Variants in PATJ observed in about 807,000 individuals in gnomAD.
PATJ encodes PATJ crumbs cell polarity complex component, also known as inaD-like protein.
PATJ carries 190 observed loss-of-function variants against 224.9 expected under a neutral mutation model. The ratio of observed to expected loss-of-function variants is 0.84; its 90% CI spans 0.75 to 0.95. PATJ has a LOEUF of 0.95. Among genes scored for constraint, PATJ ranks in the 40% least tolerant of loss-of-function variants. The pLI, the probability that PATJ is intolerant of heterozygous loss-of-function variation, is 0.00. For synonymous variants in PATJ, 769 were observed against 820.3 expected, an observed-to-expected ratio of 0.94 and a Z score of 1.07; for missense variants, 2,121 against 2,270.3, an observed-to-expected ratio of 0.93 and a Z score of 1.34.
At chr1:61,881,268 G>C (rs1668054112) in intron 21 of PATJ, among the ~76,000 whole-genome samples, 2 of 152,118 alleles carry the variant, frequency 1.3e-5, no homozygotes, top group African/African-American at 4.8e-5. Flanking sequence ...GGCAGGTAGC[G>C]GAGACATTCA....
intron 20 of PATJ, 67 bp from the exon 21 acceptor site, chr1:61,875,176 A>T: frequency 9.7e-7 from 1 of 1,026,032 alleles, no homozygotes; most frequent in Non-Finnish European, 1.4e-6. Context: ...ACTTGGCTTG[A>T]TCAACTGTAC....
chr1:61,838,649 C>T (rs1321403483), intron 17 of PATJ, among the ~76,000 whole-genome samples: 1 of 150,634 alleles, frequency 6.6e-6, no homozygotes, highest in Non-Finnish European at 1.5e-5. Context: ...GGATTACAGG[C>T]GTGAGCCACT....
rs977955028 is a variant in PATJ at position 62,060,937 on chromosome 1, C to G, written c.4125+9879C>G. On this transcript the variant is annotated intron_variant, in intron 31 of 43. Transcript: ENST00000642238. ...CAACTCCTGATCTCAGAGGGTTTAC[C>G]CACCTTGGCCTCCCAAAGTGCTGGG... Among the ~76,000 whole-genome samples, 6 of 152,114 alleles carry G rather than the reference C, an allele frequency of 3.9e-5. No individual in the cohort carries two copies. The East Asian group carries it at 1.2e-3, about 29-fold the overall frequency.
At position 61,766,455 on chromosome 1, in the gene PATJ, C is replaced by T; in HGVS notation, c.366C>T (p.Val122=). ...PKLGNEDFNS[V]IQQMAQGRQI... The stretch of plus-strand genomic sequence containing the variant: ...TGGGAAATGAAGACTTTAACTCAGT[C>T]ATTCAACAGATGGCTCAGGTAAAGT... The change falls in exon 4 of 44, where the codon GTC becomes GTT. Residue 122 remains valine (V), a synonymous_variant. Transcript: ENST00000642238. 6.3e-7 allele frequency: 1 copy of T among 1,598,150 alleles called. No homozygotes were observed. Among genetic ancestry groups the T allele is most frequent in the Non-Finnish European group, 8.5e-7 (1 of 1,175,344 alleles).
intron 1 of PATJ, among the ~76,000 whole-genome samples, chr1:61,760,194 T>C (rs1165947718): frequency 6.6e-6 from 1 of 152,250 alleles, no homozygotes; most frequent in Non-Finnish European, 1.5e-5. Flanking sequence ...AAGTGTTTTT[T>C]TGATGCTCTA....
intron 34 of PATJ, among the ~76,000 whole-genome samples, chr1:62,112,964 C>G (rs1664029860): frequency 6.6e-6 from 1 of 152,220 alleles, no homozygotes; most frequent in African/African-American, 2.4e-5. Context: ...CCCTAAACCT[C>G]TGTGTGCCTC....
intron 27 of PATJ, among the ~76,000 whole-genome samples, chr1:61,980,475 GTGT>G (rs1557983975): frequency 7.5e-5 from 10 of 133,598 alleles, no homozygotes; most frequent in African/African-American, 3.0e-4. Flanking sequence ...GTGTGTGTGT[GTGT>G]GGTATGCATT....
At chr1:61,926,852 G>T (rs1212343575) in intron 26 of PATJ, among the ~76,000 whole-genome samples, 2 of 152,164 alleles carry the variant, frequency 1.3e-5, no homozygotes, top group Non-Finnish European at 2.9e-5. Context: ...AGTGTATCCT[G>T]CCATTAGTGG....
chr1:62,107,284 C>T (rs1413809953), intron 33 of PATJ, among the ~76,000 whole-genome samples: 1 of 150,018 alleles, frequency 6.7e-6, no homozygotes, highest in Non-Finnish European at 1.5e-5. Context: ...CCAGCCTGGG[C>T]GACAGAGTGA....
Position 61,808,455 on chromosome 1 carries a change from AT to A in PATJ, c.1627-11del, listed in dbSNP as rs753887228. ...AGTTATGCTTTTACAAATACTGGAA[AT>A]TTTTTTTGTAAATTTAGGTTGCTAC... is the stretch of plus-strand genomic sequence containing the variant. On this transcript the variant is annotated intron_variant, in intron 13 of 43. Transcript: ENST00000642238. 68 of 1,541,754 alleles carry A rather than the reference AT, an allele frequency of 4.4e-5. No homozygotes were observed. The highest frequency in any genetic ancestry group is 8.2e-5 in the African/African-American group (6 of 73,294).
intron 6 of PATJ, 98 bp downstream of exon 6, chr1:61,771,724 C>T: frequency 1.5e-5 from 11 of 737,716 alleles, no homozygotes; most frequent in African/African-American, 1.2e-4. Context: ...CCTTTCTTTC[C>T]TTTTTTTTTT....
At chr1:61,930,684 G>A (rs1451835835) in intron 27 of PATJ, among the ~76,000 whole-genome samples, 1 of 152,124 alleles carries the variant, frequency 6.6e-6, no homozygotes, top group Non-Finnish European at 1.5e-5. Context: ...GGTACCACAA[G>A]TGTGTGCCAC....
chr1:62,003,676 T>G (rs1452888831), intron 28 of PATJ, among the ~76,000 whole-genome samples: 1 of 152,194 alleles, frequency 6.6e-6, no homozygotes, highest in Non-Finnish European at 1.5e-5. Flanking sequence ...TGATAATTTA[T>G]TCAGAAGTCT....
intron 9 of PATJ, among the ~76,000 whole-genome samples, chr1:61,792,782 G>A (rs1016024772): frequency 3.9e-5 from 6 of 152,112 alleles, no homozygotes; most frequent in Non-Finnish European, 2.9e-5. Flanking sequence ...TGCCTGCCTC[G>A]GCCTCCCATA....
Position 61,931,757 on chromosome 1 carries a change from CTG to C in PATJ, c.3670+3930_3670+3931del, listed in dbSNP as rs1005647358. 6.6e-5 allele frequency among the ~76,000 whole-genome samples: 10 copies of C among 152,298 alleles called. No homozygotes were observed. The East Asian group carries it at 1.9e-3, about 29-fold the overall frequency. On this transcript the variant is annotated intron_variant, in intron 27 of 43. Transcript: ENST00000642238. The stretch of plus-strand genomic sequence containing the variant: ...CCAGGCTGAATGACAGAGTGCGACT[CTG>C]TCTCAAAAATGAAACCTAAATGAAG...
chr1:62,088,926 C>T (rs949977393), intron 33 of PATJ, among the ~76,000 whole-genome samples: 1 of 150,462 alleles, frequency 6.6e-6, no homozygotes, highest in African/African-American at 2.4e-5. Flanking sequence ...TGGGTGATGG[C>T]TGCTTCCAAG....
chr1:61,767,314 G>C (rs1417483835), intron 4 of PATJ, among the ~76,000 whole-genome samples: 6 of 152,082 alleles, frequency 3.9e-5, no homozygotes, highest in Admixed American at 3.9e-4. Context: ...CAGGAGGATT[G>C]CTTGAAGCCA....
At chr1:62,012,380 A>G (rs1050798151) in intron 28 of PATJ, among the ~76,000 whole-genome samples, 6 of 152,254 alleles carry the variant, frequency 3.9e-5, no homozygotes, top group Admixed American at 3.3e-4. Flanking sequence ...GATACTGTGC[A>G]TAATGAGTTT....
rs927841956 is a variant in PATJ at position 62,124,115 on chromosome 1, C to T, written c.5043+1057C>T. ...TCTTTTTCTTTTTGAGATGGAGTCA[C>T]CGTGTTGCCCAGGCTGGAATGCAGT... is the stretch of plus-strand genomic sequence containing the variant. On this transcript the variant is annotated intron_variant, in intron 39 of 43. Transcript: ENST00000642238. Among the ~76,000 whole-genome samples the T allele has an allele frequency of 3.9e-5, 6 of 151,990 alleles. No homozygotes were observed. The South Asian group carries it at 1.0e-3, about 26-fold the overall frequency.
Sources: gnomAD v4.1 joint callset for allele counts (sites outside exome capture counted in the v4.1 genomes callset) on GRCh38, gnomAD v4.1.1 for gene constraint, MANE v1.5 for transcripts, NCBI Gene and HGNC (gene_info 2026-07-23, HGNC 2026-07-21) for gene names.